Variants in CDH18 observed in about 807,000 individuals in gnomAD.
The protein encoded by CDH18 is cadherin-18.
CDH18 carries 31 observed loss-of-function variants against 67.9 expected under a neutral mutation model. That is an observed-to-expected ratio of 0.46 (90% CI 0.34 to 0.62). The LOEUF (loss-of-function observed/expected upper bound fraction) is 0.62. CDH18 is among the 20% of genes least tolerant of loss of function. The pLI, the probability that CDH18 is intolerant of heterozygous loss-of-function variation, is 0.01. For missense variants in CDH18, 890 were observed against 975.5 expected (o/e 0.91, Z 1.17); for synonymous variants, 362 against 347.2 (o/e 1.04, Z -0.48).
intron 2 of CDH18, among the ~76,000 whole-genome samples, chr5:20,164,752 C>T (rs1259462069): frequency 1.3e-5 from 2 of 152,190 alleles, no homozygotes; most frequent in Non-Finnish European, 2.9e-5. Flanking sequence ...TCTTCAATAA[C>T]GTTAAATGCA....
chr5:19,892,351 T>A (rs552489665), intron 2 of CDH18, among the ~76,000 whole-genome samples: 2 of 152,102 alleles, frequency 1.3e-5, no homozygotes, highest in African/African-American at 4.8e-5. Flanking sequence ...AAATAATAAA[T>A]AAGGAAATTC....
intron 1 of CDH18, among the ~76,000 whole-genome samples, chr5:20,525,479 T>C (rs894098104): frequency 5.9e-5 from 9 of 152,082 alleles, no homozygotes; most frequent in African/African-American, 2.2e-4. Flanking sequence ...AGGACACTTA[T>C]TCCTCCCAAC....
intron 5 of CDH18, among the ~76,000 whole-genome samples, chr5:19,696,822 C>A (rs1332758855): frequency 6.6e-6 from 1 of 152,118 alleles, no homozygotes; most frequent in Non-Finnish European, 1.5e-5. Flanking sequence ...TTATGATAAG[C>A]TCAAACACAT....
intron 6 of CDH18, among the ~76,000 whole-genome samples, chr5:19,598,652 T>C (rs571966278): frequency 7.1e-4 from 108 of 152,274 alleles, no homozygotes; most frequent in Non-Finnish European, 1.3e-3. Context: ...AAAATATCAA[T>C]TTGATAACAA....
At chr5:20,548,576 CAGA>C (rs1757467443) in intron 1 of CDH18, among the ~76,000 whole-genome samples, 1 of 152,052 alleles carries the variant, frequency 6.6e-6, no homozygotes, top group Non-Finnish European at 1.5e-5. Flanking sequence ...GCTCATCTCA[CAGA>C]AGTTGTTCTT....
intron 2 of CDH18, among the ~76,000 whole-genome samples, chr5:20,249,508 G>C (rs1743654064): frequency 6.7e-6 from 1 of 149,718 alleles, no homozygotes; most frequent in Non-Finnish European, 1.5e-5. Context: ...TCAGACTCCC[G>C]AGTAGCTGGG....
chr5:20,403,489 G>T (rs898447967), intron 1 of CDH18, among the ~76,000 whole-genome samples: 13 of 152,180 alleles, frequency 8.5e-5, no homozygotes, highest in African/African-American at 3.1e-4. Flanking sequence ...AATAGATGTT[G>T]TGTCAATAGA....
intron 3 of CDH18, among the ~76,000 whole-genome samples, chr5:19,769,115 G>A (rs1773439376): frequency 6.6e-6 from 1 of 152,006 alleles, no homozygotes; most frequent in Admixed American, 6.6e-5. Context: ...CACAGAAATA[G>A]AGAGAGAAAA....
At chr5:19,516,088 C>T (rs1282635633) in intron 10 of CDH18, among the ~76,000 whole-genome samples, 2 of 152,114 alleles carry the variant, frequency 1.3e-5, no homozygotes, top group Non-Finnish European at 2.9e-5. Context: ...AAAGGCCTTT[C>T]TGCATCTATC....
intron 4 of CDH18, among the ~76,000 whole-genome samples, chr5:19,744,822 C>G (rs767542146): frequency 1.3e-5 from 2 of 152,012 alleles, no homozygotes; most frequent in Non-Finnish European, 2.9e-5. Flanking sequence ...CATTTTTATT[C>G]ACACCTAATT....
chr5:20,289,101 C>T (rs1368891322), intron 1 of CDH18, among the ~76,000 whole-genome samples: 1 of 151,844 alleles, frequency 6.6e-6, no homozygotes, highest in Non-Finnish European at 1.5e-5. Flanking sequence ...ATTAATTAAC[C>T]TCTTTTCTAC....
intron 5 of CDH18, among the ~76,000 whole-genome samples, chr5:19,651,202 T>C (rs1461997325): frequency 6.6e-6 from 1 of 152,030 alleles, no homozygotes; most frequent in Non-Finnish European, 1.5e-5. Context: ...ACTCTTTATG[T>C]AACCACTGTT....
chr5:20,514,822 G>GTCTTATTGA (rs1755262121), intron 1 of CDH18, among the ~76,000 whole-genome samples: 1 of 152,064 alleles, frequency 6.6e-6, no homozygotes, highest in South Asian at 2.1e-4. Flanking sequence ...GTTTTCAGAT[G>GTCTTATTGA]TCTTATTCAT....
chr5:20,218,330 A>G, intron 2 of CDH18, among the ~76,000 whole-genome samples: 1 of 152,180 alleles, frequency 6.6e-6, no homozygotes, highest in Middle Eastern at 3.4e-3. Context: ...CTTTCTCCAC[A>G]ATAGAATATA....
chr5:20,347,189 C>A (rs182396358), intron 1 of CDH18, among the ~76,000 whole-genome samples: 17 of 152,274 alleles, frequency 1.1e-4, no homozygotes, highest in African/African-American at 3.8e-4. Context: ...GCTTCTTGGA[C>A]TCTGCATATT....
At chr5:20,379,934 A>G (rs1238780964) in intron 1 of CDH18, among the ~76,000 whole-genome samples, 4 of 152,064 alleles carry the variant, frequency 2.6e-5, no homozygotes, top group Non-Finnish European at 5.9e-5. Flanking sequence ...CACTAAAAAA[A>G]CCAACATAAT....
intron 3 of CDH18, among the ~76,000 whole-genome samples, chr5:19,829,473 A>C (rs944509917): frequency 1.3e-5 from 2 of 152,140 alleles, no homozygotes; most frequent in African/African-American, 4.8e-5. Flanking sequence ...TAGTCACAAA[A>C]ATAATAAATT....
intron 8 of CDH18, among the ~76,000 whole-genome samples, chr5:19,561,659 T>C (rs967165973): frequency 2.0e-5 from 3 of 152,108 alleles, no homozygotes; most frequent in East Asian, 1.9e-4. Context: ...ATTGAATTTT[T>C]TTTAAATAGG....
chr5:20,483,430 T>A (rs555462359), intron 1 of CDH18, among the ~76,000 whole-genome samples: 368 of 152,158 alleles, frequency 2.4e-3, no homozygotes, highest in Non-Finnish European at 4.0e-3. Context: ...CTAAAATTTC[T>A]ATGAAACTAC....
Sources: gnomAD v4.1 joint callset for allele counts (sites outside exome capture counted in the v4.1 genomes callset) on GRCh38, gnomAD v4.1.1 for gene constraint, MANE v1.5 for transcripts, NCBI Gene and HGNC (gene_info 2026-07-23, HGNC 2026-07-21) for gene names.